TNNI3K: variants seen among roughly 807,000 people sequenced by gnomAD.
TNNI3K encodes TNNI3 interacting kinase, also known as serine/threonine-protein kinase TNNI3K.
TNNI3K carries 140 observed loss-of-function variants against 114.5 expected under a neutral mutation model. That is an observed-to-expected ratio of 1.22 (90% CI 1.07 to 1.41). The LOEUF (loss-of-function observed/expected upper bound fraction) is 1.41. TNNI3K is among the 40% of genes most tolerant of loss of function. The pLI is 0.00. For missense variants in TNNI3K, 1,125 were observed against 1,007.6 expected, an observed-to-expected ratio of 1.12 and a Z score of -1.58; for synonymous variants, 347 against 347.5, an observed-to-expected ratio of 1.00 and a Z score of 0.02.
chr1:74,506,189 G>T (rs1183555599), intron 23 of TNNI3K, among the ~76,000 whole-genome samples: 1 of 152,184 alleles, frequency 6.6e-6, no homozygotes, highest in African/African-American at 2.4e-5. Context: ...TTTGATCTGT[G>T]ACATAGAACA....
chr1:74,498,635 A>G (rs1056002822), intron 23 of TNNI3K, among the ~76,000 whole-genome samples: 4 of 152,190 alleles, frequency 2.6e-5, no homozygotes, highest in African/African-American at 7.2e-5. Flanking sequence ...TCTGGCATTC[A>G]GATTTTTTTG....
At chr1:74,239,871 G>T (rs72670791) in intron 2 of TNNI3K, 3 of 454,848 alleles carry the variant, frequency 6.6e-6, no homozygotes, top group African/African-American at 2.0e-5. Context: ...AGCTTGATGT[G>T]GGAGAGAGGG....
intron 5 of TNNI3K, among the ~76,000 whole-genome samples, chr1:74,320,950 G>A (rs1362981466): frequency 6.6e-6 from 1 of 152,170 alleles, no homozygotes; most frequent in Non-Finnish European, 1.5e-5. Flanking sequence ...TGTAATGTGA[G>A]GTTGAAGATA....
chr1:74,386,473 T>C (rs889867940), intron 17 of TNNI3K, among the ~76,000 whole-genome samples: 13 of 152,128 alleles, frequency 8.5e-5, no homozygotes, highest in Non-Finnish European at 1.8e-4. Flanking sequence ...AAAATGCATC[T>C]ATGGGATCTA....
intron 23 of TNNI3K, among the ~76,000 whole-genome samples, chr1:74,497,328 C>T (rs532686363): frequency 7.9e-5 from 12 of 152,216 alleles, no homozygotes; most frequent in African/African-American, 2.6e-4. Flanking sequence ...AAATACTCCC[C>T]TCTTTCATCT....
chr1:74,537,425 TCTCTA>T (rs1381099759), intron 23 of TNNI3K, among the ~76,000 whole-genome samples: 2 of 152,172 alleles, frequency 1.3e-5, no homozygotes, highest in Non-Finnish European at 2.9e-5. Flanking sequence ...AAAAACAACA[TCTCTA>T]CTCTATAGCT....
intron 20 of TNNI3K, among the ~76,000 whole-genome samples, chr1:74,455,111 A>G (rs1050643318): frequency 1.1e-4 from 17 of 152,162 alleles, no homozygotes; most frequent in Admixed American, 3.3e-4. Context: ...AGAATGAGTG[A>G]CAGAAGCAAA....
chr1:74,343,599 C>G (rs1557508989), intron 9 of TNNI3K, among the ~76,000 whole-genome samples: 1 of 152,200 alleles, frequency 6.6e-6, no homozygotes, highest in Non-Finnish European at 1.5e-5. Context: ...TTCCTTTCCA[C>G]TTAAACCTTA....
chr1:74,335,969 G>A (rs1660442253), intron 6 of TNNI3K, 42 bp from the exon 7 acceptor site: 3 of 1,525,934 alleles, frequency 2.0e-6, no homozygotes. Context: ...TTGCATTATT[G>A]TTTGAATTTT....
chr1:74,281,402 A>G (rs1657009194), intron 5 of TNNI3K, among the ~76,000 whole-genome samples: 1 of 151,808 alleles, frequency 6.6e-6, no homozygotes, highest in Non-Finnish European at 1.5e-5. Flanking sequence ...TACCTAGCAC[A>G]TAAACTTTAG....
chr1:74,351,781 C>T (rs1043936249), intron 9 of TNNI3K, among the ~76,000 whole-genome samples: 23 of 152,302 alleles, frequency 1.5e-4, no homozygotes, highest in East Asian at 7.7e-4. Context: ...CTTGTGCATT[C>T]GTCACGTAGT....
chr1:74,325,733 T>C (rs1659864719), intron 5 of TNNI3K, among the ~76,000 whole-genome samples: 1 of 151,912 alleles, frequency 6.6e-6, no homozygotes, highest in African/African-American at 2.4e-5. Context: ...CTTTAAAAAA[T>C]TGTCTACGAA....
At chr1:74,493,534 A>T (rs1669179111) in intron 23 of TNNI3K, among the ~76,000 whole-genome samples, 3 of 152,242 alleles carry the variant, frequency 2.0e-5, no homozygotes. Context: ...AGTTTCAAAG[A>T]GAAATATATC....
At position 74,249,341 on chromosome 1, in the gene TNNI3K, T is replaced by C. The variant is rs1570368366; in HGVS notation, c.150-118T>C. On this transcript the variant is annotated intron_variant, in intron 2 of 24. Transcript: ENST00000326637. ...GATTCTTTCTGTAAGTGCAAAATAA[T>C]CTTAGAAAAAATACATTTCTGAATT... The C allele has an allele frequency of 8.5e-6, 9 of 1,060,692 alleles. No homozygotes were observed. In the East Asian group the frequency reaches 2.1e-4, roughly 25 times the overall value. 65.7% of individuals were successfully genotyped at this position (1,060,692 alleles called of 1,614,324 possible). A position where few individuals can be genotyped will look rare whatever the true frequency, so the allele number is the denominator to read the frequency against.
intron 6 of TNNI3K, among the ~76,000 whole-genome samples, chr1:74,334,143 A>T (rs549096337): frequency 2.0e-5 from 3 of 152,230 alleles, no homozygotes; most frequent in Non-Finnish European, 4.4e-5. Context: ...AACTTTAGCA[A>T]TGAAGAAGCT....
chr1:74,291,295 T>C (rs1203296673), intron 5 of TNNI3K, among the ~76,000 whole-genome samples: 1 of 151,688 alleles, frequency 6.6e-6, no homozygotes, highest in African/African-American at 2.4e-5. Flanking sequence ...GAACTTTATG[T>C]AAATGAAATC....
intron 11 of TNNI3K, among the ~76,000 whole-genome samples, chr1:74,363,440 A>G (rs1376282545): frequency 3.3e-5 from 5 of 152,074 alleles, no homozygotes; most frequent in Non-Finnish European, 5.9e-5. Context: ...GCTCTTGATG[A>G]AAAGCATCCC....
Position 74,305,574 on chromosome 1 carries a change from T to C in TNNI3K, c.445-25876T>C, listed in dbSNP as rs1418513561. Among the ~76,000 whole-genome samples, 4 of 152,152 alleles carry C rather than the reference T, an allele frequency of 2.6e-5. No individual in the cohort carries two copies. In the East Asian group the frequency reaches 7.7e-4, roughly 29 times the overall value. On this transcript the variant is annotated intron_variant, in intron 5 of 24. Transcript: ENST00000326637. ...GCCAAGTGGAAGGGGCACATGACTT[T>C]GAGCAAGGCAGCCGTCTTCAGCCAA...
chr1:74,395,110 A>T (rs770771091), intron 17 of TNNI3K, among the ~76,000 whole-genome samples: 9 of 151,938 alleles, frequency 5.9e-5, no homozygotes, highest in Non-Finnish European at 2.9e-5. Context: ...ATCCGGGAAG[A>T]CTGTGACCCC....
Sources: gnomAD v4.1 joint callset for allele counts (sites outside exome capture counted in the v4.1 genomes callset) on GRCh38, gnomAD v4.1.1 for gene constraint, MANE v1.5 for transcripts, NCBI Gene and HGNC (gene_info 2026-07-23, HGNC 2026-07-21) for gene names.